KDELR1: variants seen among roughly 807,000 people sequenced by gnomAD.
The protein encoded by KDELR1 is ER lumen protein-retaining receptor 1.
KDELR1 carries 16 observed loss-of-function variants against 25.5 expected under a neutral mutation model. The ratio of observed to expected loss-of-function variants is 0.63; its 90% CI spans 0.43 to 0.95. The LOEUF (loss-of-function observed/expected upper bound fraction) is 0.95, where lower values mean the gene tolerates loss of function less well. KDELR1 is among the 40% of genes least tolerant of loss of function. KDELR1 has a pLI of 0.00. For synonymous variants in KDELR1, 121 were observed against 115.0 expected (o/e 1.05, Z -0.33); for missense variants, 159 against 265.2 (o/e 0.60, Z 2.78).
chr19:48,389,779 G>GAGTCC, intron 2 of KDELR1, 68 bp from the exon 3 acceptor site: 1 of 1,563,244 alleles, frequency 6.4e-7, no homozygotes, highest in Non-Finnish European at 8.8e-7. Context: ...TCAGAGCCCG[G>GAGTCC]AGTCCAGGCC....
rs541223239 is a variant in KDELR1, at chr19:48,382,961, G to A, written c.*332C>T. 3.3e-6 allele frequency: 1 copy of A among 302,180 alleles called. No individual in the cohort carries two copies. Among genetic ancestry groups the A allele is most frequent in the South Asian group, 4.0e-5 (1 of 24,922 alleles). The allele number at this position is 302,180 out of a possible 1,614,324, so 18.7% of individuals were successfully genotyped here. The stretch of plus-strand genomic sequence containing the variant: ...GGGCCTGGGGAAGGGAAAAGATCTT[G>A]GACCCTGCCCCGGCCCATAGGACAC... On this transcript the variant is annotated 3_prime_UTR_variant, in exon 5 of 5. Transcript: ENST00000330720.
upstream of KDELR1, among the ~76,000 whole-genome samples, chr19:48,395,908 G>A (rs1452090379): frequency 6.6e-6 from 1 of 152,082 alleles, no homozygotes; most frequent in Admixed American, 6.5e-5. Flanking sequence ...GAGTTCCAGA[G>A]TCTTGGGGCA....
upstream of KDELR1, among the ~76,000 whole-genome samples, chr19:48,392,742 T>C (rs903413431): frequency 4.6e-5 from 7 of 152,106 alleles, no homozygotes; most frequent in Non-Finnish European, 7.4e-5. Context: ...TGGCCCTGGC[T>C]TCCCCCCTGC....
At chr19:48,397,353 A>C in the KDELR1 span, among the ~76,000 whole-genome samples, 1 of 147,924 alleles carries the variant, frequency 6.8e-6, no homozygotes. Flanking sequence ...CCTCCCTTTT[A>C]TTTCTGCTCC....
At position 48,391,265 on chromosome 19, in the gene KDELR1, C is replaced by A; in HGVS notation, c.91+3G>T. 1 of 1,553,338 alleles carries A rather than the reference C, an allele frequency of 6.4e-7. No individual in the cohort carries two copies. The highest frequency in any genetic ancestry group is 8.7e-7 in the Non-Finnish European group (1 of 1,147,930). ...CCTTCGCCAGCCCTGGTGGGCCTCT[C>A]ACCGGCGCACGAGCGGGACTTCCAG... On this transcript the variant is annotated splice_donor_region_variant and intron_variant, in intron 1 of 4. Coordinates refer to ENST00000330720, the MANE Select transcript of KDELR1 (RefSeq NM_006801.3).
At chr19:48,387,239 G>A (rs1184023778) in intron 3 of KDELR1, among the ~76,000 whole-genome samples, 1 of 152,036 alleles carries the variant, frequency 6.6e-6, no homozygotes, top group Non-Finnish European at 1.5e-5. Context: ...ATCCAAGCAA[G>A]GTGGTAACAA....
In KDELR1 at chr19:48,385,182, G is replaced by A. The variant is rs552222449; in HGVS notation, c.352-700C>T. Among the ~76,000 whole-genome samples, 11 of 152,160 alleles carry A rather than the reference G, an allele frequency of 7.2e-5. 1 individual carries two copies. Among genetic ancestry groups the A allele is most frequent in the South Asian group, 6.2e-4 (3 of 4,818 alleles). The stretch of plus-strand genomic sequence containing the variant: ...GATTACAGGCATGAGCCACCGTGCC[G>A]GGCCCACATGCCATTTCTTGTGGCA... On this transcript the variant is annotated intron_variant, in intron 3 of 4. Coordinates refer to ENST00000330720, the MANE Select transcript of KDELR1 (RefSeq NM_006801.3).
At chr19:48,394,037 C>T (rs970682381), upstream of KDELR1, among the ~76,000 whole-genome samples, 2 of 152,136 alleles carry the variant, frequency 1.3e-5, no homozygotes, top group Admixed American at 1.3e-4. The surrounding 1 kb of genome is among the most constrained non-coding windows in gnomAD (Gnocchi z 5.1). Context: ...CCCCCAAACC[C>T]AGATGGATGG....
chr19:48,390,765 G>A (rs1600959695), intron 1 of KDELR1: 1 of 523,472 alleles, frequency 1.9e-6, no homozygotes, highest in South Asian at 2.2e-5. Flanking sequence ...CCAGGGGGCA[G>A]CCCAGGCCCC....
At chr19:48,396,096 G>A (rs1056334414), upstream of KDELR1, among the ~76,000 whole-genome samples, 2 of 152,154 alleles carry the variant, frequency 1.3e-5, no homozygotes, top group Non-Finnish European at 2.9e-5. Context: ...GTCCCTGACA[G>A]GGCAGGAGAT....
upstream of KDELR1, among the ~76,000 whole-genome samples, chr19:48,393,681 G>T (rs1211605327): frequency 6.6e-6 from 1 of 152,106 alleles, no homozygotes; most frequent in Non-Finnish European, 1.5e-5. The surrounding 1 kb of genome is among the most constrained non-coding windows in gnomAD (Gnocchi z 5.6). Context: ...CCGAGTGAGT[G>T]TGTGTGTGCG....
At chr19:48,396,279 C>G (rs978666296), upstream of KDELR1, among the ~76,000 whole-genome samples, 7 of 151,940 alleles carry the variant, frequency 4.6e-5, no homozygotes, top group Admixed American at 6.6e-5. Context: ...GGGGATGCCC[C>G]TCCTCAGGCC....
chr19:48,393,247 G>A (rs1415543107), upstream of KDELR1, among the ~76,000 whole-genome samples: 1 of 151,882 alleles, frequency 6.6e-6, no homozygotes, highest in Non-Finnish European at 1.5e-5. The surrounding 1 kb of genome is among the most constrained non-coding windows in gnomAD (Gnocchi z 5.6). Flanking sequence ...GCTGGGGGGT[G>A]GGACTCCTGG....
In KDELR1 at chr19:48,384,021, G is replaced by A. The variant is rs1346349405; in HGVS notation, c.604+209C>T. ...TGGCCTACGCTCCAAGTGACATGGG[G>A]GCTAAGGACAGAAACTCCTTAGCCC... On this transcript the variant is annotated intron_variant, in intron 4 of 4. Transcript: ENST00000330720. The surrounding 1 kb of genome is among the most constrained non-coding windows in gnomAD (Gnocchi z 4.6). Among the ~76,000 whole-genome samples the A allele has an allele frequency of 1.3e-5, 2 of 152,168 alleles. No individual in the cohort carries two copies. The highest frequency in any genetic ancestry group is 2.9e-5 in the Non-Finnish European group (2 of 68,030).
intron 1 of KDELR1, chr19:48,390,823 T>C: frequency 2.3e-6 from 1 of 440,866 alleles, no homozygotes; most frequent in Non-Finnish European, 4.1e-6. Context: ...GCCTCATGGC[T>C]ACCCCTGGCC....
chr19:48,394,778 C>A, upstream of KDELR1: 1 of 155,784 alleles, frequency 6.4e-6, no homozygotes, highest in Non-Finnish European at 1.4e-5. The surrounding 1 kb of genome is among the most constrained non-coding windows in gnomAD (Gnocchi z 5.1). Flanking sequence ...ACAGGAGGTC[C>A]GGGCTGCCGC....
intron 3 of KDELR1, among the ~76,000 whole-genome samples, chr19:48,388,812 GAAGGAAGGAGGAAAGGAAGA>G (rs1354343347): frequency 1.3e-5 from 2 of 149,182 alleles, no homozygotes; most frequent in South Asian, 2.1e-4. Flanking sequence ...AGAAAGGAAG[GAAGGAAGGAGGAAAGGAAGA>G]AAGGAAGGAG....
intron 2 of KDELR1, 73 bp from the exon 3 acceptor site, chr19:48,389,784 C>T: frequency 1.3e-6 from 2 of 1,536,926 alleles, no homozygotes; most frequent in Non-Finnish European, 8.9e-7. Context: ...GCCCGGAGTC[C>T]AGGCCCCTCC....
rs968390228 is a variant in KDELR1, at chr19:48,384,436, G to A, written c.398C>T (p.Pro133Leu). The change falls in exon 4 of 5, where the codon CCG becomes CTG. Residue 133 changes from proline to leucine, a missense_variant. Pro to Leu is a moderately conservative substitution (Grantham distance 98). Transcript: ENST00000330720. This position sits in a 1 kb window ranked among gnomAD's most constrained non-coding sequence, Gnocchi z 4.6. ...GGTCTTGCTCACCATGAACAGCTGC[G>A]GCAAGATGGCCACTGACTCCAGGTA... Reference protein sequence around the residue: ...SIYLESVAILPQLFMVSKTGE... With the variant: ...SIYLESVAILLQLFMVSKTGE... 1.9e-6 allele frequency: 3 copies of A among 1,613,560 alleles called. No individual in the cohort carries two copies. Among genetic ancestry groups the A allele is most frequent in the South Asian group, 1.1e-5 (1 of 90,946 alleles).
Sources: allele counts gnomAD v4.1 joint callset (sites outside exome capture counted in the v4.1 genomes callset), GRCh38; gene constraint gnomAD v4.1.1; non-coding constraint Gnocchi (gnomAD v3.1); transcripts MANE v1.5; gene names NCBI Gene and HGNC (gene_info 2026-07-23, HGNC 2026-07-21).